The following ADAM7 variants were observed in gnomAD, a reference collection of about 807,000 sequenced individuals.
ADAM7 encodes ADAM metallopeptidase domain 7, also known as disintegrin and metalloproteinase domain-containing protein 7.
ADAM7 carries 97 observed loss-of-function variants against 102.9 expected under a neutral mutation model. The ratio of observed to expected loss-of-function variants is 0.94; its 90% CI spans 0.80 to 1.12. The LOEUF (loss-of-function observed/expected upper bound fraction) is 1.12, where lower values mean the gene tolerates loss of function less well. Among genes scored for constraint, ADAM7 ranks in the 50% most tolerant of loss-of-function variants. The pLI is 0.00. For synonymous variants in ADAM7, 334 were observed against 304.4 expected (o/e 1.10, Z -1.01); for missense variants, 991 against 908.7 (o/e 1.09, Z -1.16).
chr8:24,466,478 A>G (rs1253005829), intron 5 of ADAM7, among the ~76,000 whole-genome samples: 1 of 152,214 alleles, frequency 6.6e-6, no homozygotes, highest in Non-Finnish European at 1.5e-5. Flanking sequence ...TGATAGACAT[A>G]GAAACTCACA....
At chr8:24,451,568 C>A (rs967907162) in intron 3 of ADAM7, among the ~76,000 whole-genome samples, 11 of 152,152 alleles carry the variant, frequency 7.2e-5, no homozygotes, top group African/African-American at 2.7e-4. Context: ...TGCTAGTGGT[C>A]TAACAATTTT....
At chr8:24,448,726 G>C (rs1363011029) in intron 3 of ADAM7, among the ~76,000 whole-genome samples, 2 of 151,660 alleles carry the variant, frequency 1.3e-5, no homozygotes, top group African/African-American at 4.9e-5. Flanking sequence ...GTGCAGGTTA[G>C]TTTACATGGG....
chr8:24,488,004 T>C (rs1483510726), intron 11 of ADAM7, among the ~76,000 whole-genome samples: 1 of 152,202 alleles, frequency 6.6e-6, no homozygotes, highest in African/African-American at 2.4e-5. Context: ...TTCCCACCGA[T>C]GTTTTCCCTG....
chr8:24,496,684 A>T (rs1227185473), intron 16 of ADAM7, among the ~76,000 whole-genome samples: 2 of 152,208 alleles, frequency 1.3e-5, no homozygotes, highest in African/African-American at 4.8e-5. Context: ...TCAGACTTAC[A>T]TGGGGCCTAT....
At chr8:24,480,516 A>G (rs1313204442) in intron 8 of ADAM7, among the ~76,000 whole-genome samples, 2 of 152,136 alleles carry the variant, frequency 1.3e-5, no homozygotes, top group East Asian at 3.9e-4. Flanking sequence ...AACATTCCAA[A>G]TGTGTGTATC....
chr8:24,489,860 T>G (rs1820279799), intron 12 of ADAM7, among the ~76,000 whole-genome samples: 1 of 152,208 alleles, frequency 6.6e-6, no homozygotes, highest in South Asian at 2.1e-4. Flanking sequence ...ATTCTTAATA[T>G]GCTTTTCCCT....
intron 16 of ADAM7, among the ~76,000 whole-genome samples, chr8:24,499,026 T>G (rs1384857291): frequency 6.6e-6 from 1 of 152,092 alleles, no homozygotes; most frequent in Non-Finnish European, 1.5e-5. Context: ...ACCCCAATCA[T>G]CTATAGAGGA....
At chr8:24,506,896 C>T (rs17052091) in intron 20 of ADAM7, among the ~76,000 whole-genome samples, 2,275 of 152,112 alleles carry the variant, frequency 0.015, 56 homozygotes, top group African/African-American at 0.05. Flanking sequence ...CAGAACTGGG[C>T]GCTGAATACA....
At position 24,509,098 on chromosome 8, in the gene ADAM7, G is replaced by A. The variant is rs1821038328; in HGVS notation, c.*552G>A. The A allele has an allele frequency of 1.0e-6, 1 of 985,620 alleles. No homozygotes were observed. The highest frequency in any genetic ancestry group is 1.2e-6 in the Non-Finnish European group (1 of 830,086). 61.1% of individuals were successfully genotyped at this position (985,620 alleles called of 1,614,324 possible). On this transcript the variant is annotated 3_prime_UTR_variant, in exon 22 of 22. Transcript: ENST00000175238. ...AGAAGAATAGTGGACAGAACTGCAG[G>A]ATAGTCCTTAAAATAATGGTGGTGG...
intron 2 of ADAM7, among the ~76,000 whole-genome samples, chr8:24,444,256 T>C (rs1818471711): frequency 6.7e-6 from 1 of 150,028 alleles, no homozygotes; most frequent in African/African-American, 2.4e-5. Flanking sequence ...AATGACTGAA[T>C]AAATAATATA....
At chr8:24,460,918 C>T (rs923921973) in intron 3 of ADAM7, among the ~76,000 whole-genome samples, 3 of 152,014 alleles carry the variant, frequency 2.0e-5, no homozygotes, top group Non-Finnish European at 4.4e-5. Flanking sequence ...TCATGTGTTA[C>T]AATTTCATTG....
intron 3 of ADAM7, among the ~76,000 whole-genome samples, chr8:24,452,015 C>G (rs1427400097): frequency 6.6e-6 from 1 of 152,154 alleles, no homozygotes; most frequent in African/African-American, 2.4e-5. Context: ...GTCTGAGAGA[C>G]AGTTTGTTGC....
In ADAM7 at chr8:24,498,806, T is replaced by C. The variant is rs77811245; in HGVS notation, c.1843-430T>C. Reference sequence around the variant, plus strand: ...TTAAAGCAAAAATATTAAACACAAATAAGATTAATTGATATTAATAAAATG... The same window carrying C: ...TTAAAGCAAAAATATTAAACACAAACAAGATTAATTGATATTAATAAAATG... On this transcript the variant is annotated intron_variant, in intron 16 of 21. Transcript: ENST00000175238. Among the ~76,000 whole-genome samples the C allele has an allele frequency of 2.5e-3, 385 of 151,806 alleles. 13 individuals carry two copies. In the East Asian group the frequency reaches 0.061, roughly 24 times the overall value.
chr8:24,491,140 T>C (rs565289654), intron 13 of ADAM7, among the ~76,000 whole-genome samples: 1 of 152,294 alleles, frequency 6.6e-6, no homozygotes, highest in South Asian at 2.1e-4. Flanking sequence ...AGCTCTATTC[T>C]TGCTCCTTTG....
chr8:24,489,359 A>C, intron 12 of ADAM7, 26 bp downstream of exon 12: 3 of 1,584,886 alleles, frequency 1.9e-6, no homozygotes, highest in Non-Finnish European at 2.6e-6. Context: ...GCTATCTTTA[A>C]ATTGCAAAAT....
intron 3 of ADAM7, among the ~76,000 whole-genome samples, chr8:24,457,448 T>C (rs1457576150): frequency 6.6e-6 from 1 of 152,068 alleles, no homozygotes; most frequent in Non-Finnish European, 1.5e-5. Context: ...GCAAATTTTT[T>C]GTATTTTAGT....
chr8:24,477,717 A>C (rs1418322203), intron 8 of ADAM7, among the ~76,000 whole-genome samples: 1 of 150,890 alleles, frequency 6.6e-6, no homozygotes, highest in African/African-American at 2.4e-5. Flanking sequence ...CTGCCTTGTT[A>C]TCTCTCTTCT....
chr8:24,472,599 G>C (rs1469466405), intron 7 of ADAM7, among the ~76,000 whole-genome samples: 6 of 151,866 alleles, frequency 4.0e-5, no homozygotes, highest in Non-Finnish European at 8.8e-5. Flanking sequence ...GATACAGGTA[G>C]CATACCAGTA....
At chr8:24,496,723 C>T (rs1820567647) in intron 16 of ADAM7, among the ~76,000 whole-genome samples, 1 of 152,206 alleles carries the variant, frequency 6.6e-6, no homozygotes. Context: ...CAATTTCTCC[C>T]ATTTGGAATG....
Sources: allele counts gnomAD v4.1 joint callset (sites outside exome capture counted in the v4.1 genomes callset), GRCh38; gene constraint gnomAD v4.1.1; transcripts MANE v1.5; gene names NCBI Gene and HGNC (gene_info 2026-07-23, HGNC 2026-07-21).